Variants in RBMS3 observed in about 807,000 individuals in gnomAD.
RBMS3 encodes RNA-binding motif, single-stranded-interacting protein 3.
RBMS3 carries 27 observed loss-of-function variants against 66.8 expected under a neutral mutation model. That is an observed-to-expected ratio of 0.40 (90% CI 0.30 to 0.56). The LOEUF (loss-of-function observed/expected upper bound fraction) is 0.56, where lower values mean the gene tolerates loss of function less well. Ranked by LOEUF, RBMS3 falls within the 20% of genes least tolerant of loss-of-function variation. The pLI is 0.40. For synonymous variants in RBMS3, 188 were observed against 183.0 expected, an observed-to-expected ratio of 1.03 and a Z score of -0.22; for missense variants, 513 against 549.5, an observed-to-expected ratio of 0.93 and a Z score of 0.66.
At chr3:29,744,006 T>G (rs903674444) in intron 5 of RBMS3, among the ~76,000 whole-genome samples, 4 of 151,238 alleles carry the variant, frequency 2.6e-5, no homozygotes, top group Non-Finnish European at 5.9e-5. Context: ...TTTGGTTTTT[T>G]GTCCTTGCAA....
At chr3:29,406,754 C>CT (rs368828409) in intron 1 of RBMS3, among the ~76,000 whole-genome samples, 1 of 152,090 alleles carries the variant, frequency 6.6e-6, no homozygotes, top group Admixed American at 6.6e-5. Context: ...TAGTTTAATA[C>CT]TTTTTTTCAT....
intron 12 of RBMS3, among the ~76,000 whole-genome samples, chr3:29,944,730 G>GT (rs1298536140): frequency 1.3e-5 from 2 of 151,734 alleles, no homozygotes; most frequent in African/African-American, 4.8e-5. Flanking sequence ...CTGACACATA[G>GT]TAGGTACTCA....
At chr3:29,878,269 G>C (rs2059657035) in intron 7 of RBMS3, among the ~76,000 whole-genome samples, 1 of 151,998 alleles carries the variant, frequency 6.6e-6, no homozygotes, top group Non-Finnish European at 1.5e-5. Flanking sequence ...ATGGCTACTG[G>C]TTTGCGGCCC....
chr3:29,453,397 G>T (rs1261521588), intron 2 of RBMS3, among the ~76,000 whole-genome samples: 1 of 152,158 alleles, frequency 6.6e-6, no homozygotes, highest in Non-Finnish European at 1.5e-5. Flanking sequence ...TTTCAGACCT[G>T]GTGCCAGCCT....
intron 7 of RBMS3, among the ~76,000 whole-genome samples, chr3:29,870,601 T>C (rs1482947008): frequency 6.6e-6 from 1 of 152,174 alleles, no homozygotes; most frequent in Non-Finnish European, 1.5e-5. Context: ...CTGGCTACTG[T>C]ATATAGAATC....
chr3:29,893,724 T>C (rs2060057510), intron 8 of RBMS3, among the ~76,000 whole-genome samples: 1 of 151,556 alleles, frequency 6.6e-6, no homozygotes, highest in Non-Finnish European at 1.5e-5. Context: ...CCCTGCATGC[T>C]TAGAAATTTG....
At chr3:29,506,281 T>A (rs1296297348) in intron 3 of RBMS3, among the ~76,000 whole-genome samples, 3 of 151,960 alleles carry the variant, frequency 2.0e-5, no homozygotes, top group African/African-American at 4.8e-5. Context: ...AGATTTTTTA[T>A]CATGAAAGGG....
chr3:29,855,086 G>C (rs1366919170), intron 6 of RBMS3, among the ~76,000 whole-genome samples: 2 of 152,038 alleles, frequency 1.3e-5, no homozygotes, highest in Admixed American at 1.3e-4. Context: ...CTTACATAAT[G>C]CTGCAAGTTA....
intron 1 of RBMS3, among the ~76,000 whole-genome samples, chr3:29,329,941 A>G (rs911824311): frequency 1.3e-5 from 2 of 148,880 alleles, no homozygotes; most frequent in Non-Finnish European, 3.0e-5. Flanking sequence ...ATATTAATAT[A>G]ACTTTTGTTA....
intron 6 of RBMS3, among the ~76,000 whole-genome samples, chr3:29,811,714 G>C (rs891996065): frequency 1.3e-5 from 2 of 152,092 alleles, no homozygotes; most frequent in African/African-American, 4.8e-5. Context: ...TCCAACTAGT[G>C]ATTCAGATCT....
At chr3:29,688,313 C>G (rs1386147596) in intron 4 of RBMS3, among the ~76,000 whole-genome samples, 1 of 152,014 alleles carries the variant, frequency 6.6e-6, no homozygotes, top group Non-Finnish European at 1.5e-5. Flanking sequence ...CCAAAAAATA[C>G]TTATCGCAAG....
intron 3 of RBMS3, among the ~76,000 whole-genome samples, chr3:29,504,036 T>A (rs2044085216): frequency 6.6e-6 from 1 of 152,146 alleles, no homozygotes; most frequent in East Asian, 1.9e-4. Context: ...GTGTTCAGAA[T>A]TCCCAGCCCA....
At chr3:29,428,638 A>AT (rs1379654294) in intron 1 of RBMS3, among the ~76,000 whole-genome samples, 9 of 152,186 alleles carry the variant, frequency 5.9e-5, no homozygotes, top group Non-Finnish European at 1.3e-4. Context: ...CAAACCACAG[A>AT]TTTTACAAAT....
At chr3:30,000,987 A>G (rs948197306) in intron 14 of RBMS3, among the ~76,000 whole-genome samples, 1 of 152,068 alleles carries the variant, frequency 6.6e-6, no homozygotes, top group Non-Finnish European at 1.5e-5. Flanking sequence ...GTGTATACCT[A>G]TGTAACAAAC....
At chr3:29,961,905 T>C (rs1041327536) in intron 12 of RBMS3, among the ~76,000 whole-genome samples, 14 of 150,690 alleles carry the variant, frequency 9.3e-5, no homozygotes, top group Admixed American at 8.0e-4. Flanking sequence ...GACATTTTAG[T>C]CTTGTGTAGA....
At chr3:29,460,941 T>A (rs1480154463) in intron 2 of RBMS3, among the ~76,000 whole-genome samples, 1 of 152,206 alleles carries the variant, frequency 6.6e-6, no homozygotes, top group Non-Finnish European at 1.5e-5. Context: ...CTGCCCTTAA[T>A]TCATCTGGCG....
At chr3:29,660,383 G>A (rs940338608) in intron 4 of RBMS3, among the ~76,000 whole-genome samples, 12 of 152,150 alleles carry the variant, frequency 7.9e-5, no homozygotes, top group African/African-American at 1.9e-4. Context: ...GATACCATTT[G>A]CATTTCTTTC....
intron 1 of RBMS3, among the ~76,000 whole-genome samples, chr3:29,354,595 AC>A (rs2037111915): frequency 1.3e-5 from 2 of 152,182 alleles, no homozygotes; most frequent in African/African-American, 4.8e-5. Flanking sequence ...ACACACACAC[AC>A]ACAAGTATGT....
At chr3:29,786,800 G>A (rs961554820) in intron 6 of RBMS3, among the ~76,000 whole-genome samples, 3 of 152,010 alleles carry the variant, frequency 2.0e-5, no homozygotes, top group Non-Finnish European at 2.9e-5. Context: ...TTATGACCAA[G>A]AACCCAAAAG....
Sources: allele counts gnomAD v4.1 joint callset (sites outside exome capture counted in the v4.1 genomes callset), GRCh38; gene constraint gnomAD v4.1.1; transcripts MANE v1.5; gene names NCBI Gene and HGNC (gene_info 2026-07-23, HGNC 2026-07-21).